Variants in ESPNL observed in about 807,000 individuals in gnomAD.
ESPNL encodes the protein espin-like protein.
Under a neutral mutation model 46.8 loss-of-function variants are expected in ESPNL, and 49 were observed. The ratio of observed to expected loss-of-function variants is 1.05; its 90% confidence interval spans 0.83 to 1.33. The LOEUF (loss-of-function observed/expected upper bound fraction) is 1.33. Among genes scored for constraint, ESPNL ranks in the 40% most tolerant of loss-of-function variants. The pLI, the probability that ESPNL is intolerant of heterozygous loss-of-function variation, is 0.00. For synonymous variants in ESPNL, 664 were observed against 662.1 expected, an observed-to-expected ratio of 1.00 and a Z score of -0.04; for missense variants, 1,540 against 1,436.6, an observed-to-expected ratio of 1.07 and a Z score of -1.16.
intron 8 of ESPNL, among the ~76,000 whole-genome samples, chr2:238,129,780 C>T (rs1478684929): frequency 6.6e-6 from 1 of 152,266 alleles, no homozygotes; most frequent in Non-Finnish European, 1.5e-5. Flanking sequence ...GCCCCTCCGT[C>T]GCACCAGCCA....
At chr2:238,122,281 A>C (rs1213304661) in intron 5 of ESPNL, among the ~76,000 whole-genome samples, 1 of 152,236 alleles carries the variant, frequency 6.6e-6, no homozygotes, top group Non-Finnish European at 1.5e-5. Flanking sequence ...CCGTTGCCGG[A>C]GAAACGCCAC....
In ESPNL at chr2:238,117,020, G is replaced by C; in HGVS notation, c.973G>C (p.Glu325Gln). ...GHRDCAQYLR[E>Q]VAQPVPLLMT... ...CCGGGACTGCGCCCAGTACCTGCGGGAGGTGGCCCAGCCGGTAAGGCTCAG... is the reference window on the plus strand; with the variant it reads ...CCGGGACTGCGCCCAGTACCTGCGGCAGGTGGCCCAGCCGGTAAGGCTCAG... Residue 325 changes from glutamate to glutamine, a missense_variant, in exon 5 of 9, where the codon GAG (glutamate) becomes CAG (glutamine). Transcript: ENST00000343063. 1 of 1,611,180 alleles carries C rather than the reference G, an allele frequency of 6.2e-7. No individual in the cohort carries two copies. The highest frequency in any genetic ancestry group is 8.5e-7 in the Non-Finnish European group (1 of 1,179,292).
intron 3 of ESPNL, among the ~76,000 whole-genome samples, chr2:238,105,469 C>T (rs925429348): frequency 2.7e-5 from 4 of 147,428 alleles, no homozygotes; most frequent in African/African-American, 7.5e-5. Context: ...GCCAAGATCA[C>T]GCCACTGAAC....
Position 238,130,717 on chromosome 2 carries a change from GCTTCAACCCTGGCCC to G in ESPNL, c.2006_2020del (p.Phe669_Pro673del). 1 of 1,567,686 alleles carries G rather than the reference GCTTCAACCCTGGCCC, an allele frequency of 6.4e-7. No individual in the cohort carries two copies. The highest frequency in any genetic ancestry group is 8.6e-7 in the Non-Finnish European group (1 of 1,158,914). On this transcript the variant is annotated inframe_deletion, in exon 9 of 9. Transcript: ENST00000343063. The stretch of plus-strand genomic sequence containing the variant: ...GAGTCGGCCTCTGGCCCACTCTGTG[GCTTCAACCCTGGCCC>G]CTGCGAGCCGGGGGCCCAGCACAGG...
At chr2:238,129,956 G>C (rs1039947132) in intron 8 of ESPNL, among the ~76,000 whole-genome samples, 172 bp from the exon 9 acceptor site, 1 of 152,244 alleles carries the variant, frequency 6.6e-6, no homozygotes, top group East Asian at 1.9e-4. Context: ...AGAGCAAGAC[G>C]GGCAGAGCAG....
chr2:238,131,602 C>A lies in ESPNL; in HGVS notation c.2888C>A (p.Pro963His). 6.2e-7 allele frequency: 1 copy of A among 1,611,806 alleles called. No homozygotes were observed. The highest frequency in any genetic ancestry group is 8.5e-7 in the Non-Finnish European group (1 of 1,179,218). The change falls in exon 9 of 9, where the codon CCC (proline) becomes CAC (histidine). Residue 963 changes from proline (P) to histidine (H), a missense_variant. Pro to His is a moderately conservative substitution (Grantham distance 77). Transcript: ENST00000343063. The part of the protein sequence containing the change: ...HAAVPCSGPE[P>H]TAQRLGSRSQ... ...GCCGTCCCCTGCAGCGGCCCTGAGC[C>A]CACAGCACAGCGGCTGGGGTCCCGC...
At position 238,131,625 on chromosome 2, in the gene ESPNL, C is replaced by G. The variant is rs578197417; in HGVS notation, c.2911C>G (p.Arg971Gly). The change falls in exon 9 of 9, where the codon CGC (arginine) becomes GGC (glycine). Residue 971 changes from arginine (R) to glycine (G), a missense_variant. Coordinates refer to ENST00000343063, the MANE Select transcript of ESPNL (RefSeq NM_194312.4). ...GCCCACAGCACAGCGGCTGGGGTCC[C>G]GCTCCCAGCAGGGCAGCTTCAACGG... ...PEPTAQRLGSRSQQGSFNGED... is the reference protein window; with the variant it reads ...PEPTAQRLGSGSQQGSFNGED... 7 of 1,611,316 alleles carry G rather than the reference C, an allele frequency of 4.3e-6. No individual in the cohort carries two copies. The highest frequency in any genetic ancestry group is 5.9e-6 in the Non-Finnish European group (7 of 1,178,790).
At chr2:238,129,370 G>C in intron 8 of ESPNL, 1 of 562,170 alleles carries the variant, frequency 1.8e-6, no homozygotes. Context: ...GAGAGGGGGA[G>C]CCCTGTGGGA....
chr2:238,105,222 C>T (rs577904415), intron 3 of ESPNL, among the ~76,000 whole-genome samples: 4 of 152,208 alleles, frequency 2.6e-5, no homozygotes, highest in South Asian at 2.1e-4. Flanking sequence ...CAGGCCCTGC[C>T]GCCTGAGATC....
intron 3 of ESPNL, among the ~76,000 whole-genome samples, chr2:238,105,215 G>A (rs1476354715): frequency 6.6e-6 from 1 of 152,054 alleles, no homozygotes; most frequent in Non-Finnish European, 1.5e-5. Context: ...ACTTGTTCAG[G>A]CCCTGCCGCC....
rs539358547 is a variant in ESPNL at position 238,107,809 on chromosome 2, G to A, written c.691G>A (p.Gly231Arg). ...VVWLVTFTDI[G>R]LTARDNEGAT... ...TCCCCAGGTCACATTCACCGACATC[G>A]GACTCACGGCACGGGACAATGAGGG... The change falls in exon 4 of 9, where the codon GGA (glycine) becomes AGA (arginine). Residue 231 changes from glycine to arginine, a missense_variant. Coordinates refer to ENST00000343063, the MANE Select transcript of ESPNL (RefSeq NM_194312.4). 31 of 1,598,406 alleles carry A rather than the reference G, an allele frequency of 1.9e-5. No individual in the cohort carries two copies. Among genetic ancestry groups the A allele is most frequent in the African/African-American group, 8.0e-5 (6 of 74,680 alleles).
chr2:238,121,587 G>T (rs542012472), intron 5 of ESPNL, among the ~76,000 whole-genome samples: 6 of 152,204 alleles, frequency 3.9e-5, no homozygotes, highest in Admixed American at 3.3e-4. Flanking sequence ...TTGTAGAGAC[G>T]GGGTTTGGCC....
chr2:238,116,460 C>T (rs187732795), intron 4 of ESPNL, among the ~76,000 whole-genome samples: 12 of 152,302 alleles, frequency 7.9e-5, no homozygotes, highest in Admixed American at 1.3e-4. Flanking sequence ...GATGGTCCCA[C>T]GGAGAGTGGG....
chr2:238,100,388 C>T lies in ESPNL; in HGVS notation c.-32C>T, dbSNP rs1211346393. 8 of 1,526,434 alleles carry T rather than the reference C, an allele frequency of 5.2e-6. No individual in the cohort carries two copies. In the African/African-American group the frequency reaches 5.6e-5, roughly 11 times the overall value. The allele number at this position is 1,526,434 out of a possible 1,614,324, so 94.6% of individuals were successfully genotyped here. On this transcript the variant is annotated 5_prime_UTR_variant, in exon 1 of 9. Transcript: ENST00000343063. ...CTGAAACAGGAAGCCCCAGCCTGTG[C>T]ATGAGTCGCCACTGAGAGCCCGGGC...
At chr2:238,119,597 G>A (rs953037483) in intron 5 of ESPNL, among the ~76,000 whole-genome samples, 1 of 151,706 alleles carries the variant, frequency 6.6e-6, no homozygotes, top group East Asian at 1.9e-4. Flanking sequence ...GAGGTGGATG[G>A]AGGAGGGGAG....
chr2:238,126,497 C>T (rs922556695), intron 6 of ESPNL, among the ~76,000 whole-genome samples: 6 of 147,264 alleles, frequency 4.1e-5, no homozygotes, highest in African/African-American at 1.5e-4. Context: ...TCTGTTCTGT[C>T]TGTTTCTGTG....
chr2:238,118,151 G>GA, intron 5 of ESPNL, among the ~76,000 whole-genome samples: 1 of 146,568 alleles, frequency 6.8e-6, no homozygotes, highest in African/African-American at 2.6e-5. Context: ...ATGGAGGAGG[G>GA]TGGATGGAGG....
At chr2:238,124,023 C>T (rs1195321041) in intron 5 of ESPNL, among the ~76,000 whole-genome samples, 2 of 152,216 alleles carry the variant, frequency 1.3e-5, no homozygotes, top group Admixed American at 6.5e-5. Flanking sequence ...CACTGCAGTC[C>T]GGCCCCGGTG....
intron 4 of ESPNL, 112 bp from the exon 5 acceptor site, chr2:238,116,785 TGGGAAG>T: frequency 1.5e-6 from 2 of 1,326,266 alleles, no homozygotes. Flanking sequence ...CTGCCCCTGC[TGGGAAG>T]GGCATCAGGG....
Sources: gnomAD v4.1 joint callset for allele counts (sites outside exome capture counted in the v4.1 genomes callset) on GRCh38, gnomAD v4.1.1 for gene constraint, MANE v1.5 for transcripts, NCBI Gene and HGNC (gene_info 2026-07-23, HGNC 2026-07-21) for gene names.